The following RALY variants were observed in gnomAD, a reference collection of about 807,000 sequenced individuals.
RALY encodes the protein RNA-binding protein Raly.
In RALY, 15 loss-of-function variants were observed where a neutral mutation model predicts 30.7. The observed-to-expected ratio is 0.49, with a 90% CI of 0.33 to 0.75. The LOEUF is 0.75. Among genes scored for constraint, RALY ranks in the 30% least tolerant of loss-of-function variants. RALY has a pLI of 0.02. For synonymous variants in RALY, 177 were observed against 170.8 expected (o/e 1.04, Z -0.28); for missense variants, 339 against 414.3 (o/e 0.82, Z 1.58).
chr20:34,053,427 T>C, intron 2 of RALY, among the ~76,000 whole-genome samples: 1 of 114,480 alleles, frequency 8.7e-6, no homozygotes, highest in Non-Finnish European at 1.7e-5. Flanking sequence ...AGACAAGGCC[T>C]CGCTGTGTCA....
At chr20:34,071,280 G>GTTTTC (rs993572962) in intron 2 of RALY, among the ~76,000 whole-genome samples, 1 of 151,770 alleles carries the variant, frequency 6.6e-6, no homozygotes, top group Non-Finnish European at 1.5e-5. Context: ...AGACTAAGCA[G>GTTTTC]TTTTCTTTTC....
At chr20:34,059,102 A>C (rs1431362778) in intron 2 of RALY, among the ~76,000 whole-genome samples, 1 of 152,176 alleles carries the variant, frequency 6.6e-6, no homozygotes, top group Non-Finnish European at 1.5e-5. Flanking sequence ...TGTTTGGATC[A>C]GCACCCTGGA....
At chr20:34,017,190 T>C (rs564042444) in intron 1 of RALY, among the ~76,000 whole-genome samples, 1 of 138,810 alleles carries the variant, frequency 7.2e-6, no homozygotes, top group Non-Finnish European at 1.6e-5. Flanking sequence ...AAATCACTTA[T>C]TGAATACCTA....
intron 1 of RALY, among the ~76,000 whole-genome samples, chr20:34,026,861 G>A (rs1172522916): frequency 6.6e-6 from 1 of 152,136 alleles, no homozygotes; most frequent in Non-Finnish European, 1.5e-5. Context: ...TTCATACTGG[G>A]GCTGAGACTC....
chr20:34,078,700 C>T lies in RALY; in HGVS notation c.*4+147C>T, dbSNP rs546085621. 255 of 698,090 alleles carry T rather than the reference C, an allele frequency of 3.7e-4. 2 individuals carry two copies. In the Middle Eastern group the frequency reaches 6.9e-3, roughly 19 times the overall value. 43.2% of individuals were successfully genotyped at this position (698,090 alleles called of 1,614,324 possible). ...CCCAAGAATGAAGTCCCCTCCATAT[C>T]TAGCCATCCCGTCACACCCCTTCAT... On this transcript the variant is annotated intron_variant, in intron 9 of 9. Coordinates refer to ENST00000246194, the MANE Select transcript of RALY (RefSeq NM_016732.3).
At chr20:34,073,907 G>C (rs752347966) in intron 5 of RALY, 41 bp downstream of exon 5, 1 of 1,595,426 alleles carries the variant, frequency 6.3e-7, no homozygotes, top group Non-Finnish European at 8.6e-7. Context: ...AAACAGCCAA[G>C]CTGGAAGGGT....
At position 34,076,697 on chromosome 20, in the gene RALY, C is replaced by G. The variant is rs751914997; in HGVS notation, c.545-5C>G. 2.3e-5 allele frequency: 37 copies of G among 1,613,234 alleles called. No homozygotes were observed. Among genetic ancestry groups the G allele is most frequent in the Middle Eastern group, 3.3e-4 (2 of 6,074 alleles). The stretch of plus-strand genomic sequence containing the variant: ...GTGACAGCCCTGTCCCCCCTCCACT[C>G]CCAGTAAAGAGCAGTGAGCTGCAGG... On this transcript the variant is annotated splice_region_variant and splice_polypyrimidine_tract_variant and intron_variant, in intron 6 of 9. Coordinates refer to ENST00000246194, the MANE Select transcript of RALY (RefSeq NM_016732.3).
chr20:34,002,662 T>C (rs756846054), intron 1 of RALY, among the ~76,000 whole-genome samples: 12 of 152,196 alleles, frequency 7.9e-5, no homozygotes, highest in Non-Finnish European at 1.6e-4. Flanking sequence ...TTTACAGATA[T>C]TTATCCTCTG....
chr20:34,050,341 A>G (rs2123170344), intron 2 of RALY, among the ~76,000 whole-genome samples: 1 of 152,344 alleles, frequency 6.6e-6, no homozygotes, highest in South Asian at 2.1e-4. Context: ...TTTGCTATGC[A>G]AGAGAGCCTC....
At chr20:34,063,247 A>C (rs752047971) in intron 2 of RALY, among the ~76,000 whole-genome samples, 16 of 152,162 alleles carry the variant, frequency 1.1e-4, no homozygotes, top group Non-Finnish European at 2.1e-4. Context: ...TCATGATCAC[A>C]TGTTTGGGCC....
chr20:34,003,018 C>T (rs374237600), intron 1 of RALY, among the ~76,000 whole-genome samples: 3 of 152,082 alleles, frequency 2.0e-5, no homozygotes, highest in African/African-American at 4.8e-5. Context: ...CACTGCCAGC[C>T]GCCTTTGAAC....
intron 1 of RALY, among the ~76,000 whole-genome samples, chr20:34,007,668 A>C (rs1041594751): frequency 2.0e-5 from 3 of 151,314 alleles, no homozygotes; most frequent in African/African-American, 7.3e-5. Context: ...AAAATACAAA[A>C]AATTAGCTGG....
Position 34,012,266 on chromosome 20 carries a change from G to T in RALY, c.-93+18135G>T, listed in dbSNP as rs1601411055. On this transcript the variant is annotated intron_variant, in intron 1 of 9. Coordinates refer to ENST00000246194, the MANE Select transcript of RALY (RefSeq NM_016732.3). Reference sequence around the variant, plus strand: ...CCCTATCATCATGAGGTGGCGGAAGGTTGCCGTGGCAGGTGGTAATGTGCT... The same window carrying T: ...CCCTATCATCATGAGGTGGCGGAAGTTTGCCGTGGCAGGTGGTAATGTGCT... Among the ~76,000 whole-genome samples, 4 of 152,226 alleles carry T rather than the reference G, an allele frequency of 2.6e-5. No homozygotes were observed. In the South Asian group the frequency reaches 8.3e-4, roughly 32 times the overall value.
chr20:34,071,936 G>A lies in RALY; in HGVS notation c.-9-130G>A, dbSNP rs2033738717. 5.7e-6 allele frequency: 6 copies of A among 1,043,848 alleles called. No individual in the cohort carries two copies. The South Asian group carries it at 9.8e-5, about 17-fold the overall frequency. The allele number at this position is 1,043,848 out of a possible 1,614,324, so 64.7% of individuals were successfully genotyped here. ...TAATATGACAAGAAAACAAGATGCA[G>A]GAACAGGTAGGCTGGATGCTATAAG... On this transcript the variant is annotated intron_variant, in intron 2 of 9. Coordinates refer to ENST00000246194, the MANE Select transcript of RALY (RefSeq NM_016732.3).
intron 1 of RALY, among the ~76,000 whole-genome samples, chr20:34,000,408 GTC>G (rs890186757): frequency 6.6e-6 from 1 of 152,178 alleles, no homozygotes; most frequent in African/African-American, 2.4e-5. Context: ...GGAGGTCCCT[GTC>G]TCTCTCACTT....
At chr20:34,045,936 C>T (rs370543295) in intron 2 of RALY, among the ~76,000 whole-genome samples, 3 of 152,262 alleles carry the variant, frequency 2.0e-5, no homozygotes, top group South Asian at 4.1e-4. Context: ...TTTCTGTGTG[C>T]CGTTCCCCTT....
At chr20:34,052,727 T>C (rs984479778) in intron 2 of RALY, among the ~76,000 whole-genome samples, 1 of 152,204 alleles carries the variant, frequency 6.6e-6, no homozygotes, top group Admixed American at 6.5e-5. Context: ...TCGAACTCTG[T>C]TCTTCCTGCT....
At chr20:34,071,251 A>T (rs1216572008) in intron 2 of RALY, among the ~76,000 whole-genome samples, 1 of 151,694 alleles carries the variant, frequency 6.6e-6, no homozygotes, top group Non-Finnish European at 1.5e-5. Context: ...AGCAATTCAG[A>T]CAGGTCTGTG....
chr20:34,072,212 C>T lies in RALY; in HGVS notation c.138C>T (p.Gly46=), dbSNP rs1341055729. 1 of 1,614,134 alleles carries T rather than the reference C, an allele frequency of 6.2e-7. No individual in the cohort carries two copies. The highest frequency in any genetic ancestry group is 8.5e-7 in the Non-Finnish European group (1 of 1,180,062). The change falls in exon 3 of 10, where the codon GGC becomes GGT. Residue 46 remains glycine, a synonymous_variant. Coordinates refer to ENST00000246194, the MANE Select transcript of RALY (RefSeq NM_016732.3). The part of the protein sequence containing the change: ...SDVETIFSKY[G]RVAGCSVHKG... The stretch of plus-strand genomic sequence containing the variant: ...TGGAGACCATCTTCTCTAAGTATGG[C>T]CGTGTGGCCGGCTGTTCTGTGCACA...
Sources: allele counts gnomAD v4.1 joint callset (sites outside exome capture counted in the v4.1 genomes callset), GRCh38; gene constraint gnomAD v4.1.1; transcripts MANE v1.5; gene names NCBI Gene and HGNC (gene_info 2026-07-23, HGNC 2026-07-21).